GRM7: variants seen among roughly 807,000 people sequenced by gnomAD.
GRM7 encodes metabotropic glutamate receptor 7.
A neutral mutation model predicts 84.5 loss-of-function variants in GRM7; 35 were observed. That is an observed-to-expected ratio of 0.41 (90% CI 0.32 to 0.55). The LOEUF (loss-of-function observed/expected upper bound fraction) is 0.55. Among genes scored for constraint, GRM7 ranks in the 20% least tolerant of loss-of-function variants. The pLI is 0.19. For missense variants in GRM7, 1,003 were observed against 1,194.6 expected, an observed-to-expected ratio of 0.84 and a Z score of 2.36; for synonymous variants, 487 against 455.1, an observed-to-expected ratio of 1.07 and a Z score of -0.89.
At chr3:7,113,349 C>G (rs927289629) in intron 1 of GRM7, among the ~76,000 whole-genome samples, 1 of 152,110 alleles carries the variant, frequency 6.6e-6, no homozygotes, top group Non-Finnish European at 1.5e-5. Flanking sequence ...TCATATTTCC[C>G]CTGCTTCAAC....
intron 8 of GRM7, among the ~76,000 whole-genome samples, chr3:7,603,293 C>A (rs972782548): frequency 3.5e-4 from 53 of 152,226 alleles, no homozygotes; most frequent in African/African-American, 1.3e-3. Context: ...CTCAAGTCCA[C>A]ATGCCTGAGG....
intron 7 of GRM7, among the ~76,000 whole-genome samples, chr3:7,489,327 T>C: frequency 6.6e-6 from 1 of 152,334 alleles, no homozygotes; most frequent in Non-Finnish European, 1.5e-5. Flanking sequence ...TCACCATATG[T>C]TGAAACCAGT....
intron 1 of GRM7, among the ~76,000 whole-genome samples, chr3:7,041,400 A>G (rs1472395917): frequency 1.3e-5 from 2 of 152,224 alleles, no homozygotes; most frequent in Non-Finnish European, 2.9e-5. Flanking sequence ...ATGTACTTTC[A>G]AAAAATAATT....
At chr3:7,129,119 T>C (rs1001626750) in intron 1 of GRM7, among the ~76,000 whole-genome samples, 3 of 152,204 alleles carry the variant, frequency 2.0e-5, no homozygotes, top group Non-Finnish European at 2.9e-5. Flanking sequence ...GATGCTTTCA[T>C]GGAAACAGAA....
At chr3:7,513,380 T>G (rs1354365918) in intron 7 of GRM7, among the ~76,000 whole-genome samples, 1 of 152,172 alleles carries the variant, frequency 6.6e-6, no homozygotes, top group Non-Finnish European at 1.5e-5. Context: ...ACTTTAACAG[T>G]GTTACCAAGA....
rs1294388431 is a variant in GRM7, at chr3:6,943,559, T to A, written c.519+81652T>A. On this transcript the variant is annotated intron_variant, in intron 1 of 9. Coordinates refer to ENST00000357716, the MANE Select transcript of GRM7 (RefSeq NM_000844.4). ...TCTGCTTCATTTGTATATCTGTTTA[T>A]CTTTATGCCGATATCCTACTTTGTC... is the stretch of plus-strand genomic sequence containing the variant. Among the ~76,000 whole-genome samples, 3 of 152,202 alleles carry A rather than the reference T, an allele frequency of 2.0e-5. No homozygotes were observed. In the East Asian group the frequency reaches 5.8e-4, roughly 29 times the overall value.
intron 9 of GRM7, among the ~76,000 whole-genome samples, chr3:7,731,647 C>T (rs1413010072): frequency 1.3e-5 from 2 of 152,172 alleles, no homozygotes; most frequent in Non-Finnish European, 2.9e-5. Context: ...AGGCTGAGTC[C>T]TGCTAAGGCT....
chr3:7,495,263 T>C (rs1699660268), intron 7 of GRM7, among the ~76,000 whole-genome samples: 2 of 152,272 alleles, frequency 1.3e-5, no homozygotes, highest in Middle Eastern at 6.8e-3. Context: ...AAGAGCAGTT[T>C]CCCAGGTCAG....
At chr3:6,881,169 C>T (rs1695493797) in intron 1 of GRM7, among the ~76,000 whole-genome samples, 1 of 152,018 alleles carries the variant, frequency 6.6e-6, no homozygotes, top group South Asian at 2.1e-4. Context: ...GGTACATGTG[C>T]AGGATGTGCA....
At chr3:7,679,088 G>T (rs1425409820) in intron 8 of GRM7, among the ~76,000 whole-genome samples, 1 of 152,186 alleles carries the variant, frequency 6.6e-6, no homozygotes, top group South Asian at 2.1e-4. Flanking sequence ...AGTCCTTTGA[G>T]AGTGTATCAG....
rs1698705426 is a variant in GRM7, at chr3:7,267,897, G to GT, written c.737-30779dup. Among the ~76,000 whole-genome samples the GT allele has an allele frequency of 3.3e-5, 5 of 151,506 alleles. No individual in the cohort carries two copies. In the South Asian group the frequency reaches 1.0e-3, roughly 32 times the overall value. ...GTTTTAAGACAGAGTCAAATTCTAT[G>GT]TTTTTTTTCAGGAGCCCAGAAATCT... is the stretch of plus-strand genomic sequence containing the variant. On this transcript the variant is annotated intron_variant, in intron 2 of 9. Coordinates refer to ENST00000357716, the MANE Select transcript of GRM7 (RefSeq NM_000844.4).
chr3:7,338,124 A>G (rs925855691), intron 4 of GRM7, among the ~76,000 whole-genome samples: 3 of 143,608 alleles, frequency 2.1e-5, no homozygotes, highest in Non-Finnish European at 4.5e-5. Context: ...GTACACACAC[A>G]CACACACACA....
intron 1 of GRM7, among the ~76,000 whole-genome samples, chr3:6,975,229 G>T (rs768731408): frequency 2.6e-5 from 4 of 152,158 alleles, no homozygotes; most frequent in Non-Finnish European, 5.9e-5. Context: ...GGTCTTAGAA[G>T]AGGAACTTGG....
chr3:7,460,238 T>A (rs554803877), intron 6 of GRM7, among the ~76,000 whole-genome samples: 2 of 152,152 alleles, frequency 1.3e-5, no homozygotes, highest in East Asian at 3.9e-4. Context: ...TGGTAATGAT[T>A]TTTTATAGTT....
intron 1 of GRM7, among the ~76,000 whole-genome samples, chr3:7,129,962 A>G (rs527846813): frequency 7.1e-4 from 108 of 152,354 alleles, no homozygotes; most frequent in Admixed American, 1.2e-3. Context: ...GCAGAGCAGT[A>G]TAGATTTTTG....
chr3:7,163,789 G>C (rs1043749241), intron 2 of GRM7, among the ~76,000 whole-genome samples: 1 of 152,150 alleles, frequency 6.6e-6, no homozygotes, highest in African/African-American at 2.4e-5. Context: ...AGCGTGTCTT[G>C]TTACTTTCAA....
At position 6,863,740 on chromosome 3, in the gene GRM7, G is replaced by C. The variant is rs1475327278; in HGVS notation, c.519+1833G>C. Reference sequence around the variant, plus strand: ...TTACCTGAGAACCACTGGGGGCTGGGGTAGGTTACAGTGTTTTCCCTGTTA... The same window carrying C: ...TTACCTGAGAACCACTGGGGGCTGGCGTAGGTTACAGTGTTTTCCCTGTTA... On this transcript the variant is annotated intron_variant, in intron 1 of 9. Transcript: ENST00000357716. The surrounding 1 kb of genome is among the most constrained non-coding windows in gnomAD (Gnocchi z 4.8). Among the ~76,000 whole-genome samples the C allele has an allele frequency of 6.6e-6, 1 of 152,140 alleles. No individual in the cohort carries two copies. The highest frequency in any genetic ancestry group is 2.4e-5 in the African/African-American group (1 of 41,422).
At chr3:7,299,159 A>G (rs1043413388) in intron 3 of GRM7, among the ~76,000 whole-genome samples, 2 of 152,226 alleles carry the variant, frequency 1.3e-5, no homozygotes, top group African/African-American at 4.8e-5. Flanking sequence ...TAAAAGAAAA[A>G]TGTCTTAAAA....
At chr3:7,731,345 A>G (rs1455159254) in intron 9 of GRM7, among the ~76,000 whole-genome samples, 3 of 152,132 alleles carry the variant, frequency 2.0e-5, no homozygotes, top group African/African-American at 7.2e-5. Context: ...GTTCCCACAT[A>G]TTTTTCTTTT....
Sources: allele counts gnomAD v4.1 joint callset (sites outside exome capture counted in the v4.1 genomes callset), GRCh38; gene constraint gnomAD v4.1.1; non-coding constraint Gnocchi (gnomAD v3.1); transcripts MANE v1.5; gene names NCBI Gene and HGNC (gene_info 2026-07-23, HGNC 2026-07-21).